Variants in DHX58 observed in about 807,000 individuals in gnomAD.
The protein encoded by DHX58 is ATP-dependent RNA helicase DHX58.
In DHX58, 51 loss-of-function variants were observed where a neutral mutation model predicts 65.0. The observed-to-expected ratio is 0.78, with a 90% CI of 0.63 to 0.99. DHX58 has a LOEUF of 0.99. Among genes scored for constraint, DHX58 ranks in the 50% least tolerant of loss-of-function variants. The pLI is 0.00. For missense variants in DHX58, 773 were observed against 891.8 expected, an observed-to-expected ratio of 0.87 and a Z score of 1.70; for synonymous variants, 350 against 365.0, an observed-to-expected ratio of 0.96 and a Z score of 0.47.
rs782590120 is a variant in DHX58 at position 42,109,407 on chromosome 17, T to C, written c.562-21A>G. ...CAGAGCTGGGGGCAACAGAGGACTTTACTGGAAAGGGAGGGTCTGTGGGGA... is the reference window on the plus strand; with the variant it reads ...CAGAGCTGGGGGCAACAGAGGACTTCACTGGAAAGGGAGGGTCTGTGGGGA... On this transcript the variant is annotated intron_variant, in intron 5 of 13. Transcript: ENST00000251642. 3.2e-5 allele frequency: 51 copies of C among 1,603,250 alleles called. No homozygotes were observed. The South Asian group carries it at 5.4e-4, about 17-fold the overall frequency.
chr17:42,105,053 A>G lies in DHX58; in HGVS notation c.1366T>C (p.Tyr456His), dbSNP rs781890447. Reference protein sequence around the residue: ...DIPHCNVVVRYGLLTNEISMV... With the variant: ...DIPHCNVVVRHGLLTNEISMV... ...GAGATTTCATTGGTCAAGAGCCCAT[A>G]ACGCACCACCACATTGCAATGTGGG... Residue 456 changes from tyrosine (Y) to histidine (H), a missense_variant, in exon 10 of 14, where the codon TAT (tyrosine) becomes CAT (histidine). Transcript: ENST00000251642. 34 of 1,613,572 alleles carry G rather than the reference A, an allele frequency of 2.1e-5. No homozygotes were observed. Among genetic ancestry groups the G allele is most frequent in the Non-Finnish European group, 2.9e-5 (34 of 1,179,970 alleles).
Position 42,105,840 on chromosome 17 carries a change from G to A in DHX58, c.1147C>T (p.Leu383Phe). The A allele has an allele frequency of 1.2e-6, 2 of 1,614,066 alleles. No individual in the cohort carries two copies. The highest frequency in any genetic ancestry group is 8.5e-7 in the Non-Finnish European group (1 of 1,180,004). Residue 383 changes from leucine to phenylalanine, a missense_variant, in exon 9 of 14, where the codon CTC becomes TTC. Leu to Phe is a conservative substitution (Grantham distance 22). Coordinates refer to ENST00000251642, the MANE Select transcript of DHX58 (RefSeq NM_024119.3). ...TGCTGCTGCTGGAGCCAGAGCAGGA[G>A]GGAGTGTGCGCTTTGGCGGGTGCGG... ...FTRTRQSAHSLLLWLQQQQGL... is the reference protein window; with the variant it reads ...FTRTRQSAHSFLLWLQQQQGL...
At chr17:42,102,080 G>A (rs1027032874) in intron 13 of DHX58, 134 bp from the exon 14 acceptor site, 5 of 1,433,224 alleles carry the variant, frequency 3.5e-6, no homozygotes, top group African/African-American at 1.4e-5. Flanking sequence ...CTCCCTTAGG[G>A]AGGGGCTGGA....
At chr17:42,106,552 CT>C (rs1439161946) in intron 8 of DHX58, among the ~76,000 whole-genome samples, 1 of 151,958 alleles carries the variant, frequency 6.6e-6, no homozygotes, top group East Asian at 1.9e-4. Flanking sequence ...AATCCCAGCA[CT>C]TTGGGAGGGT....
chr17:42,111,520 GAA>G, intron 3 of DHX58, 23 bp from the exon 4 acceptor site: 2 of 1,611,748 alleles, frequency 1.2e-6, no homozygotes, highest in Non-Finnish European at 1.7e-6. Context: ...AATGAGCTGG[GAA>G]AAGAGAGCTG....
chr17:42,111,440 T>C lies in DHX58; in HGVS notation c.226A>G (p.Thr76Ala), dbSNP rs34891485. The change falls in exon 4 of 14, where the codon ACC becomes GCC. Residue 76 changes from threonine to alanine, a missense_variant. By Grantham distance (58) the Thr-to-Ala change is moderately conservative. Transcript: ENST00000251642. Reference sequence around the variant, plus strand: ...ATGTCCCCACTCAGGGTTGTCACGGTCCAGCGTCCATCCAGCATGCGCCTG... The same window carrying C: ...ATGTCCCCACTCAGGGTTGTCACGGCCCAGCGTCCATCCAGCATGCGCCTG... Reference protein sequence around the residue: ...EFRRMLDGRWTVTTLSGDMGP... With the variant: ...EFRRMLDGRWAVTTLSGDMGP... 70,373 of 1,614,114 alleles carry C rather than the reference T, an allele frequency of 0.044. 1,825 individuals are homozygous for C. The highest frequency in any genetic ancestry group is 0.05 in the Non-Finnish European group (59,382 of 1,179,996).
Position 42,103,723 on chromosome 17 carries a change from A to G in DHX58, c.1639T>C (p.Phe547Leu), listed in dbSNP as rs2054012250. The G allele has an allele frequency of 6.2e-7, 1 of 1,613,582 alleles. No individual in the cohort carries two copies. The highest frequency in any genetic ancestry group is 8.5e-7 in the Non-Finnish European group (1 of 1,180,020). ...AAQRENQRQQ[F>L]PVEHVQLLCI... ...AGTAGCTGCACGTGCTCCACTGGGA[A>G]CTGCTGCCGCTGGTTCTCCCGCTGG... Residue 547 changes from phenylalanine to leucine, a missense_variant, in exon 12 of 14, where the codon TTC becomes CTC. Phe to Leu is a conservative substitution (Grantham distance 22, BLOSUM62 0). Coordinates refer to ENST00000251642, the MANE Select transcript of DHX58 (RefSeq NM_024119.3).
At chr17:42,108,139 CA>C (rs1190976628) in intron 6 of DHX58, 31 bp from the exon 7 acceptor site, 1 of 1,613,860 alleles carries the variant, frequency 6.2e-7, no homozygotes, top group Non-Finnish European at 8.5e-7. Flanking sequence ...AGGGGATTCC[CA>C]TACACGTTGG....
chr17:42,104,617 C>A (rs879982569), intron 11 of DHX58, 149 bp downstream of exon 11: 9 of 1,021,852 alleles, frequency 8.8e-6, no homozygotes, highest in Non-Finnish European at 1.3e-5. Context: ...AGCCCCACCC[C>A]GGCCCTTATT....
At chr17:42,103,336 A>T in intron 12 of DHX58, 1 of 488,840 alleles carries the variant, frequency 2.0e-6, no homozygotes, top group South Asian at 2.3e-5. Context: ...CAGAGGGTCA[A>T]TGTGTGGTCT....
intron 8 of DHX58, among the ~76,000 whole-genome samples, chr17:42,107,367 T>TAAA (rs1555662926): frequency 7.9e-5 from 11 of 140,056 alleles, no homozygotes; most frequent in Non-Finnish European, 9.5e-5. Context: ...CCCCGACTAT[T>TAAA]AAAAAAAAAA....
rs1555663210 is a variant in DHX58, at chr17:42,108,079, G to C, written c.708C>G (p.Leu236=). ...CCAGGTGGTCATGGATTTGGTCCATGAGCTTCTTCAGCAAGTCCCCAAACG... is the reference window on the plus strand; with the variant it reads ...CCAGGTGGTCATGGATTTGGTCCATCAGCTTCTTCAGCAAGTCCCCAAACG... The part of the protein sequence containing the change: ...QDPFGDLLKK[L]MDQIHDHLEM... The change falls in exon 7 of 14, where the codon CTC becomes CTG. Residue 236 remains leucine, a synonymous_variant. Coordinates refer to ENST00000251642, the MANE Select transcript of DHX58 (RefSeq NM_024119.3). 1.2e-6 allele frequency: 2 copies of C among 1,614,138 alleles called. No individual in the cohort carries two copies.
chr17:42,102,637 C>T (rs1598212649), intron 12 of DHX58: 1 of 217,616 alleles, frequency 4.6e-6, no homozygotes, highest in Middle Eastern at 1.6e-3. Flanking sequence ...TATAAATCTG[C>T]CCTGACATTC....
intron 11 of DHX58, 95 bp downstream of exon 11, chr17:42,104,671 G>A: frequency 2.0e-6 from 3 of 1,501,634 alleles, no homozygotes; most frequent in Non-Finnish European, 2.7e-6. Context: ...AGATGTAGAG[G>A]GGACAGGGGG....
intron 9 of DHX58, 147 bp downstream of exon 9, chr17:42,105,589 C>A: frequency 6.9e-7 from 1 of 1,452,504 alleles, no homozygotes; most frequent in Non-Finnish European, 9.0e-7. Context: ...TCTCCCCTAG[C>A]TCCTTGCCCC....
intron 8 of DHX58, among the ~76,000 whole-genome samples, chr17:42,106,692 C>T (rs576451808): frequency 3.8e-4 from 47 of 124,680 alleles, no homozygotes; most frequent in African/African-American, 1.4e-3. Flanking sequence ...CCCAGCTACT[C>T]GGGAGGCTGA....
intron 7 of DHX58, 82 bp downstream of exon 7, chr17:42,107,900 C>A (rs1303070772): frequency 9.4e-6 from 15 of 1,592,984 alleles, no homozygotes; most frequent in Non-Finnish European, 1.3e-5. Flanking sequence ...ATAGGCCCCG[C>A]CCCAAAGGCC....
At chr17:42,107,544 C>T (rs2054079823) in intron 8 of DHX58, 60 bp downstream of exon 8, 6 of 1,474,378 alleles carry the variant, frequency 4.1e-6, no homozygotes, top group Non-Finnish European at 2.7e-6. Context: ...GTGCCCTGGC[C>T]TCTGACCTCG....
chr17:42,112,000 T>C, intron 2 of DHX58, 107 bp from the exon 3 acceptor site: 1 of 1,388,462 alleles, frequency 7.2e-7, no homozygotes, highest in Non-Finnish European at 9.7e-7. Flanking sequence ...CCACCCCACT[T>C]GAGGGAGGTG....
Sources: allele counts gnomAD v4.1 joint callset (sites outside exome capture counted in the v4.1 genomes callset), GRCh38; gene constraint gnomAD v4.1.1; transcripts MANE v1.5; gene names NCBI Gene and HGNC (gene_info 2026-07-23, HGNC 2026-07-21).